Variants in BCAT1 observed in about 807,000 individuals in gnomAD.
The protein encoded by BCAT1 is branched-chain-amino-acid aminotransferase, cytosolic.
Under a neutral mutation model 52.4 loss-of-function variants are expected in BCAT1, and 48 were observed. That is an observed-to-expected ratio of 0.92 (90% confidence interval 0.73 to 1.16). BCAT1 has a LOEUF of 1.16. Ranked by LOEUF, BCAT1 falls within the 50% of genes most tolerant of loss-of-function variation. The pLI is 0.00. For missense variants in BCAT1, 451 were observed against 457.1 expected, an observed-to-expected ratio of 0.99 and a Z score of 0.12; for synonymous variants, 167 against 161.3, an observed-to-expected ratio of 1.04 and a Z score of -0.27.
chr12:24,831,909 A>G (rs574710083), intron 9 of BCAT1, among the ~76,000 whole-genome samples: 1 of 148,504 alleles, frequency 6.7e-6, no homozygotes, highest in South Asian at 2.1e-4. Flanking sequence ...AAATCAGACT[A>G]ATTTACTAAG....
intron 5 of BCAT1, among the ~76,000 whole-genome samples, chr12:24,854,561 G>T (rs4963814): frequency 0.74 from 113,002 of 152,032 alleles, 42,393 homozygotes; most frequent in East Asian, 0.83. Flanking sequence ...TGAGGGTCAG[G>T]AAAGCGAGGG....
intron 1 of BCAT1, among the ~76,000 whole-genome samples, chr12:24,908,948 G>A (rs1392293207): frequency 1.1e-4 from 16 of 152,156 alleles, no homozygotes; most frequent in Admixed American, 1.3e-4. Flanking sequence ...GGGCAGTGAC[G>A]ACACTCAACA....
chr12:24,917,273 G>T (rs1016403848), intron 1 of BCAT1, among the ~76,000 whole-genome samples: 22 of 142,792 alleles, frequency 1.5e-4, no homozygotes, highest in Non-Finnish European at 3.0e-4. Flanking sequence ...CCGTCTTGCC[G>T]CTTCGCGCCA....
chr12:24,824,017 T>C (rs900023240), intron 10 of BCAT1, among the ~76,000 whole-genome samples: 1 of 152,212 alleles, frequency 6.6e-6, no homozygotes, highest in African/African-American at 2.4e-5. Flanking sequence ...CAGGTTTGAA[T>C]GCACATATTT....
At position 24,816,898 on chromosome 12, in the gene BCAT1, C is replaced by T. The variant is rs1939895352; in HGVS notation, c.*1110G>A. 3.9e-6 allele frequency: 1 copy of T among 253,910 alleles called. No homozygotes were observed. The highest frequency in any genetic ancestry group is 7.4e-6 in the Non-Finnish European group (1 of 135,194). The allele number at this position is 253,910 out of a possible 1,614,324, so 15.7% of individuals were successfully genotyped here. On this transcript the variant is annotated 3_prime_UTR_variant, in exon 11 of 11. Coordinates refer to ENST00000261192, the MANE Select transcript of BCAT1 (RefSeq NM_005504.7). ...CTCCTATGAGAATCTAATGCTGCCA[C>T]TGAGCTGACAAGAGGTGGAGTTCAG...
At chr12:24,894,223 T>C (rs1287528336) in intron 3 of BCAT1, 52 bp downstream of exon 3, 6 of 1,559,428 alleles carry the variant, frequency 3.8e-6, no homozygotes. Flanking sequence ...AGCTACTTAG[T>C]ACCCACAGTG....
chr12:24,902,934 G>A lies in BCAT1; in HGVS notation c.7-1049C>T, dbSNP rs988453310. The A allele has an allele frequency of 7.3e-6, 11 of 1,510,704 alleles. No homozygotes were observed. The Admixed American group carries it at 1.8e-4, about 25-fold the overall frequency. The allele number at this position is 1,510,704 out of a possible 1,614,324, so 93.6% of individuals were successfully genotyped here. ...ATCCTCCCCCCTTCCGCAAACGCCCGGGTTCGAGGTACCTGGCGGGCAAGG... is the reference window on the plus strand; with the variant it reads ...ATCCTCCCCCCTTCCGCAAACGCCCAGGTTCGAGGTACCTGGCGGGCAAGG... On this transcript the variant is annotated intron_variant, in intron 1 of 10. Coordinates refer to ENST00000261192, the MANE Select transcript of BCAT1 (RefSeq NM_005504.7).
rs1461926194 is a variant in BCAT1 at position 24,948,959 on chromosome 12, G to C, written c.-27C>G. ...GTTCCGTCGGCCACGAGGGAAGCTC[G>C]AGCTGAGCGGAGGGCAGATCCCAAG... On this transcript the variant is annotated 5_prime_UTR_variant, in exon 1 of 11. Coordinates refer to ENST00000261192, the MANE Select transcript of BCAT1 (RefSeq NM_005504.7). 6.3e-7 allele frequency: 1 copy of C among 1,588,678 alleles called. No individual in the cohort carries two copies. Among genetic ancestry groups the C allele is most frequent in the Non-Finnish European group, 8.6e-7 (1 of 1,167,320 alleles).
intron 3 of BCAT1, among the ~76,000 whole-genome samples, chr12:24,892,652 A>T (rs149050192): frequency 2.0e-5 from 3 of 152,302 alleles, no homozygotes; most frequent in Admixed American, 6.5e-5. Flanking sequence ...CAGGAGTTTG[A>T]GACCAGCCTG....
intron 1 of BCAT1, among the ~76,000 whole-genome samples, chr12:24,943,394 G>A (rs903360161): frequency 3.4e-5 from 5 of 149,046 alleles, no homozygotes; most frequent in Non-Finnish European, 7.4e-5. Context: ...TCAGGGAGCT[G>A]AGGCAGGAAG....
At chr12:24,912,477 G>A (rs558685854) in intron 1 of BCAT1, among the ~76,000 whole-genome samples, 8 of 152,230 alleles carry the variant, frequency 5.3e-5, no homozygotes, top group Middle Eastern at 3.4e-3. Flanking sequence ...CCAAGATTGC[G>A]CCACTGCACT....
intron 1 of BCAT1, among the ~76,000 whole-genome samples, chr12:24,939,858 T>G (rs1394859787): frequency 1.3e-5 from 2 of 152,086 alleles, no homozygotes; most frequent in Admixed American, 1.3e-4. Context: ...CTAAAAATAA[T>G]AAAATCAAAT....
At chr12:24,825,135 GTATATATA>G (rs10548732) in intron 10 of BCAT1, among the ~76,000 whole-genome samples, 3 of 146,476 alleles carry the variant, frequency 2.0e-5, no homozygotes, top group South Asian at 2.2e-4. Flanking sequence ...GTGTGTGTGT[GTATATATA>G]TATATATATA....
chr12:24,820,427 G>T (rs1305515049), intron 10 of BCAT1, among the ~76,000 whole-genome samples: 1 of 152,166 alleles, frequency 6.6e-6, no homozygotes, highest in African/African-American at 2.4e-5. Context: ...AGCAGAAATA[G>T]AAATTATATT....
At position 24,905,265 on chromosome 12, in the gene BCAT1, T is replaced by C. The variant is rs553274230; in HGVS notation, c.7-3380A>G. 5.9e-5 allele frequency among the ~76,000 whole-genome samples: 9 copies of C among 152,350 alleles called. No individual in the cohort carries two copies. The South Asian group carries it at 1.7e-3, about 28-fold the overall frequency. ...TACAGGTATAAAATAAACTAAATTA[T>C]AGAGTTTATTTAAATCATTTAATGA... On this transcript the variant is annotated intron_variant, in intron 1 of 10. Coordinates refer to ENST00000261192, the MANE Select transcript of BCAT1 (RefSeq NM_005504.7).
chr12:24,938,763 A>G (rs754320083), intron 1 of BCAT1, among the ~76,000 whole-genome samples: 9 of 152,074 alleles, frequency 5.9e-5, no homozygotes. Context: ...TCACCTCCCA[A>G]TAAAGCCTTT....
Position 24,901,833 on chromosome 12 carries a change from T to C in BCAT1, c.59A>G (p.Glu20Gly). Residue 20 changes from glutamate to glycine, a missense_variant, in exon 2 of 11, where the codon GAG becomes GGG. By Grantham distance (98) the Glu-to-Gly change is moderately conservative. Transcript: ENST00000261192. The part of the protein sequence containing the change: ...AECTGEGGSK[E>G]VVGTFKAKDL... The stretch of plus-strand genomic sequence containing the variant: ...ACTTACCTTAAAAGTCCCCACCACC[T>C]CTTTTGATCCTCCTTCTCCGGTACA... The C allele has an allele frequency of 2.5e-6, 4 of 1,613,936 alleles. No homozygotes were observed. Among genetic ancestry groups the C allele is most frequent in the East Asian group, 4.5e-5 (2 of 44,888 alleles).
intron 1 of BCAT1, among the ~76,000 whole-genome samples, chr12:24,935,767 A>C (rs1228844723): frequency 6.6e-6 from 1 of 152,202 alleles, no homozygotes; most frequent in Non-Finnish European, 1.5e-5. Flanking sequence ...AAGTTCAAAC[A>C]AATTCTGCTT....
chr12:24,891,413 C>G (rs1942834135), intron 3 of BCAT1, among the ~76,000 whole-genome samples: 1 of 152,184 alleles, frequency 6.6e-6, no homozygotes, highest in Non-Finnish European at 1.5e-5. Flanking sequence ...ACCCCAGCCA[C>G]TGACAGCAAC....
Sources: allele counts gnomAD v4.1 joint callset (sites outside exome capture counted in the v4.1 genomes callset), GRCh38; gene constraint gnomAD v4.1.1; transcripts MANE v1.5; gene names NCBI Gene and HGNC (gene_info 2026-07-23, HGNC 2026-07-21).